BARX2: variants seen among roughly 807,000 people sequenced by gnomAD.
BARX2 encodes homeobox protein BarH-like 2.
BARX2 carries 11 observed loss-of-function variants against 25.5 expected under a neutral mutation model. The ratio of observed to expected loss-of-function variants is 0.43; its 90% CI spans 0.27 to 0.71. The LOEUF (loss-of-function observed/expected upper bound fraction) is 0.71. Among genes scored for constraint, BARX2 ranks in the 30% least tolerant of loss-of-function variants. BARX2 has a pLI of 0.19. For synonymous variants in BARX2, 137 were observed against 149.5 expected (o/e 0.92, Z 0.61); for missense variants, 360 against 359.9 (o/e 1.00, Z 0.00).
At chr11:129,396,636 G>T (rs1048262484) in intron 1 of BARX2, among the ~76,000 whole-genome samples, 7 of 152,122 alleles carry the variant, frequency 4.6e-5, no homozygotes, top group African/African-American at 1.7e-4. Context: ...TGTGGTGGGT[G>T]GGGGGACGGG....
intron 1 of BARX2, among the ~76,000 whole-genome samples, chr11:129,395,970 T>C (rs2135390397): frequency 6.6e-6 from 1 of 152,244 alleles, no homozygotes; most frequent in South Asian, 2.1e-4. Context: ...ATCTTAGATG[T>C]TTCTGTCTGT....
chr11:129,433,688 G>A (rs187296769), intron 1 of BARX2, among the ~76,000 whole-genome samples: 57 of 152,168 alleles, frequency 3.7e-4, no homozygotes, highest in South Asian at 1.7e-3. Flanking sequence ...TCTCCTCTGC[G>A]TGGGGGTGCT....
intron 1 of BARX2, among the ~76,000 whole-genome samples, chr11:129,416,017 A>G (rs11607460): frequency 0.24 from 36,272 of 152,062 alleles, 5,592 homozygotes; most frequent in East Asian, 0.51. Context: ...AGAGATATGG[A>G]TTCCTTTTGA....
chr11:129,398,827 T>G (rs1245624824), intron 1 of BARX2, among the ~76,000 whole-genome samples: 1 of 152,236 alleles, frequency 6.6e-6, no homozygotes, highest in Non-Finnish European at 1.5e-5. Context: ...GTTCCAGTAG[T>G]TGGCTTAATA....
intron 1 of BARX2, among the ~76,000 whole-genome samples, chr11:129,397,523 G>C (rs548946304): frequency 6.6e-6 from 1 of 152,136 alleles, no homozygotes; most frequent in South Asian, 2.1e-4. Flanking sequence ...GCAGTGATCC[G>C]CACTGAACTT....
intron 1 of BARX2, among the ~76,000 whole-genome samples, chr11:129,418,874 G>A (rs1861972877): frequency 6.6e-6 from 1 of 152,214 alleles, no homozygotes; most frequent in Non-Finnish European, 1.5e-5. Flanking sequence ...TGTACAGAAA[G>A]TCCTCAAACA....
intron 1 of BARX2, among the ~76,000 whole-genome samples, chr11:129,416,452 A>G (rs1339195344): frequency 2.6e-5 from 4 of 152,238 alleles, no homozygotes; most frequent in African/African-American, 9.6e-5. Context: ...CTCAGGAGGA[A>G]GGAGTTGGCT....
intron 1 of BARX2, among the ~76,000 whole-genome samples, chr11:129,428,928 G>C (rs570896545): frequency 9.2e-5 from 14 of 151,986 alleles, no homozygotes; most frequent in Non-Finnish European, 1.9e-4. Context: ...GCATCAGAAC[G>C]TTGGGTCAAG....
rs1187844095 is a variant in BARX2 at position 129,376,895 on chromosome 11, A to T, written c.187+673A>T. Among the ~76,000 whole-genome samples, 1 of 152,228 alleles carries T rather than the reference A, an allele frequency of 6.6e-6. No individual in the cohort carries two copies. The highest frequency in any genetic ancestry group is 2.4e-5 in the African/African-American group (1 of 41,458). ...TACTCACACCTGGTTTTCTCTCTTC[A>T]CGGGAGGTAAGAGCAATAGTAAAGA... On this transcript the variant is annotated intron_variant, in intron 1 of 3. Coordinates refer to ENST00000281437, the MANE Select transcript of BARX2 (RefSeq NM_003658.5). The surrounding 1 kb of genome is among the most constrained non-coding windows in gnomAD (Gnocchi z 4.2).
At chr11:129,384,474 C>T (rs536972603) in intron 1 of BARX2, among the ~76,000 whole-genome samples, 2 of 152,246 alleles carry the variant, frequency 1.3e-5, no homozygotes, top group South Asian at 2.1e-4. Flanking sequence ...CCTTTTCACT[C>T]GGTGAATTAA....
At chr11:129,389,203 T>C (rs1861643860) in intron 1 of BARX2, among the ~76,000 whole-genome samples, 1 of 152,246 alleles carries the variant, frequency 6.6e-6, no homozygotes, top group Non-Finnish European at 1.5e-5. Context: ...GCTTAGTATT[T>C]GATAGCTTCT....
chr11:129,426,679 G>A (rs914773642), intron 1 of BARX2, among the ~76,000 whole-genome samples: 5 of 152,212 alleles, frequency 3.3e-5, no homozygotes, highest in South Asian at 4.1e-4. Context: ...ACCTGGCCCC[G>A]CTGCCTGCAG....
rs572336344 is a variant in BARX2, at chr11:129,421,577, C to T, written c.188-15174C>T. On this transcript the variant is annotated intron_variant, in intron 1 of 3. Coordinates refer to ENST00000281437, the MANE Select transcript of BARX2 (RefSeq NM_003658.5). ...TCCATAGAAGTCATATAACTGACTGCGTGAGATGGAAACATCCTGATGGAA... is the reference window on the plus strand; with the variant it reads ...TCCATAGAAGTCATATAACTGACTGTGTGAGATGGAAACATCCTGATGGAA... Among the ~76,000 whole-genome samples, 3 of 152,292 alleles carry T rather than the reference C, an allele frequency of 2.0e-5. No individual in the cohort carries two copies. The South Asian group carries it at 6.2e-4, about 32-fold the overall frequency.
chr11:129,440,849 T>A (rs1447833103), intron 2 of BARX2, among the ~76,000 whole-genome samples: 1 of 152,150 alleles, frequency 6.6e-6, no homozygotes, highest in Non-Finnish European at 1.5e-5. Context: ...AGCAGGCAAG[T>A]GAGACTGACT....
chr11:129,448,306 A>C (rs1466616420), intron 3 of BARX2, among the ~76,000 whole-genome samples: 2 of 152,234 alleles, frequency 1.3e-5, no homozygotes, highest in African/African-American at 4.8e-5. Flanking sequence ...AAAATTTAAA[A>C]ATTTTGTGCT....
chr11:129,409,253 G>A (rs576531982), intron 1 of BARX2, among the ~76,000 whole-genome samples: 1 of 152,200 alleles, frequency 6.6e-6, no homozygotes. Flanking sequence ...ACCGTTCTCT[G>A]CCTTGTGTTT....
chr11:129,384,334 A>G (rs557333320), intron 1 of BARX2, among the ~76,000 whole-genome samples: 1 of 152,002 alleles, frequency 6.6e-6, no homozygotes, highest in Admixed American at 6.6e-5. Context: ...GGAGAAATGG[A>G]GTGGTCTTGG....
intron 1 of BARX2, among the ~76,000 whole-genome samples, chr11:129,414,736 A>G (rs150463060): frequency 1.8e-4 from 28 of 152,358 alleles, no homozygotes; most frequent in Non-Finnish European, 3.5e-4. Context: ...TGCTTAAGAA[A>G]GATATTGTGC....
chr11:129,437,403 G>T, intron 2 of BARX2: 1 of 993,510 alleles, frequency 1.0e-6, no homozygotes, highest in Non-Finnish European at 1.2e-6. Context: ...AGGATTGGAG[G>T]CAGCAGGACT....
Sources: allele counts gnomAD v4.1 joint callset (sites outside exome capture counted in the v4.1 genomes callset), GRCh38; gene constraint gnomAD v4.1.1; non-coding constraint Gnocchi (gnomAD v3.1); transcripts MANE v1.5; gene names NCBI Gene and HGNC (gene_info 2026-07-23, HGNC 2026-07-21).